The following INO80 variants were observed in gnomAD, a reference collection of about 807,000 sequenced individuals.
INO80 encodes the protein INO80 complex ATPase subunit, also known as chromatin-remodeling ATPase INO80.
INO80 carries 20 observed loss-of-function variants against 203.4 expected under a neutral mutation model. That is an observed-to-expected ratio of 0.10 (90% CI 0.07 to 0.14). INO80 has a LOEUF of 0.14. INO80 is among the 10% of genes least tolerant of loss of function. The pLI is 1.00. For synonymous variants in INO80, 726 were observed against 685.2 expected, an observed-to-expected ratio of 1.06 and a Z score of -0.93; for missense variants, 1,419 against 1,914.4, an observed-to-expected ratio of 0.74 and a Z score of 4.83.
intron 1 of INO80, among the ~76,000 whole-genome samples, chr15:41,108,625 G>C (rs1456059254): frequency 6.7e-6 from 1 of 148,492 alleles, no homozygotes; most frequent in Admixed American, 6.7e-5. Context: ...AAAAAGAAAA[G>C]CCACAAATAG....
At chr15:41,023,706 T>C (rs1347069960) in intron 25 of INO80, among the ~76,000 whole-genome samples, 2 of 137,126 alleles carry the variant, frequency 1.5e-5, no homozygotes, top group Admixed American at 1.6e-4. Context: ...GAGGTGGAGG[T>C]TACAGTGAGC....
At position 40,987,202 on chromosome 15, in the gene INO80, A is replaced by G. The variant is rs1441168784; in HGVS notation, c.3730-9T>C. ...ATCACCATCCGCTGAATCTACACCA[A>G]AGCAGATCAAAATGTCACCTCCAGG... On this transcript the variant is annotated splice_polypyrimidine_tract_variant and intron_variant, in intron 30 of 35. Transcript: ENST00000648947. The G allele has an allele frequency of 1.9e-6, 3 of 1,551,434 alleles. No individual in the cohort carries two copies. Among genetic ancestry groups the G allele is most frequent in the Non-Finnish European group, 2.7e-6 (3 of 1,123,090 alleles).
intron 8 of INO80, 94 bp from the exon 9 acceptor site, chr15:41,079,998 GC>G: frequency 9.3e-7 from 1 of 1,070,604 alleles, no homozygotes; most frequent in Non-Finnish European, 1.4e-6. Flanking sequence ...AATCTGTTCA[GC>G]CAAACTGTCA....
chr15:41,001,710 T>C (rs1447124565), intron 28 of INO80, among the ~76,000 whole-genome samples: 1 of 152,172 alleles, frequency 6.6e-6, no homozygotes, highest in Non-Finnish European at 1.5e-5. Flanking sequence ...GGCCAAACAG[T>C]CTTTAGTCTC....
chr15:41,101,092 A>G (rs1366672748), intron 1 of INO80, among the ~76,000 whole-genome samples: 1 of 152,054 alleles, frequency 6.6e-6, no homozygotes, highest in Non-Finnish European at 1.5e-5. Context: ...AGCCTCCCAA[A>G]GTAGTGGGAT....
intron 5 of INO80, among the ~76,000 whole-genome samples, chr15:41,091,112 C>G (rs1372185812): frequency 6.6e-6 from 1 of 152,014 alleles, no homozygotes; most frequent in African/African-American, 2.4e-5. Flanking sequence ...TTAGTAGAGA[C>G]ACAGTTTCCT....
At chr15:41,100,008 A>G (rs1221194764) in intron 1 of INO80, among the ~76,000 whole-genome samples, 1 of 152,204 alleles carries the variant, frequency 6.6e-6, no homozygotes, top group African/African-American at 2.4e-5. Context: ...TTTACCTGAT[A>G]AGGAAAATGA....
At chr15:41,062,325 A>G (rs745553733) in intron 14 of INO80, among the ~76,000 whole-genome samples, 6 of 152,114 alleles carry the variant, frequency 3.9e-5, no homozygotes, top group South Asian at 4.1e-4. Context: ...AAATAGGCCA[A>G]GTATGGTGGC....
Position 41,092,017 on chromosome 15 carries a change from A to G in INO80, c.537+10T>C. On this transcript the variant is annotated intron_variant, in intron 5 of 35. Coordinates refer to ENST00000648947, the MANE Select transcript of INO80 (RefSeq NM_017553.3). ...TATTCAGTTTGAAGTGTTTCTCCTG[A>G]AACTCTTACCTCCTTGTCTTTACTA... 6.3e-7 allele frequency: 1 copy of G among 1,590,584 alleles called. No individual in the cohort carries two copies. Among genetic ancestry groups the G allele is most frequent in the Non-Finnish European group, 8.6e-7 (1 of 1,161,166 alleles).
At position 40,983,749 on chromosome 15, in the gene INO80, C is replaced by T; in HGVS notation, c.4237+13G>A. The T allele has an allele frequency of 6.2e-7, 1 of 1,611,746 alleles. No homozygotes were observed. The highest frequency in any genetic ancestry group is 8.5e-7 in the Non-Finnish European group (1 of 1,179,712). Reference sequence around the variant, plus strand: ...TGGACCAGGCCCAAGCTGTACAAGACAGCAGCAATTACCATTCACGGTATC... The same window carrying T: ...TGGACCAGGCCCAAGCTGTACAAGATAGCAGCAATTACCATTCACGGTATC... On this transcript the variant is annotated intron_variant, in intron 34 of 35. Coordinates refer to ENST00000648947, the MANE Select transcript of INO80 (RefSeq NM_017553.3).
intron 14 of INO80, among the ~76,000 whole-genome samples, chr15:41,060,459 G>A (rs1005054790): frequency 1.4e-4 from 21 of 151,766 alleles, no homozygotes; most frequent in Admixed American, 6.6e-4. Flanking sequence ...GGTGGCACGC[G>A]CCTGTAATCC....
intron 20 of INO80, 150 bp downstream of exon 20, chr15:41,049,785 C>T (rs924761032): frequency 2.9e-6 from 2 of 697,920 alleles, no homozygotes; most frequent in Non-Finnish European, 2.4e-6. Flanking sequence ...CCTTGGGAGG[C>T]TGAGGCAGGA....
chr15:40,996,794 T>C (rs538717868), intron 29 of INO80, among the ~76,000 whole-genome samples: 35 of 152,238 alleles, frequency 2.3e-4, no homozygotes, highest in Non-Finnish European at 4.8e-4. Context: ...AATGGGTTTT[T>C]CCATTAATGG....
At chr15:41,097,338 G>C (rs900202879) in intron 1 of INO80, among the ~76,000 whole-genome samples, 1 of 150,518 alleles carries the variant, frequency 6.6e-6, no homozygotes, top group Non-Finnish European at 1.5e-5. Context: ...GAGCCACCGC[G>C]CCCAGCCTTC....
intron 1 of INO80, among the ~76,000 whole-genome samples, chr15:41,114,383 A>T (rs1207381305): frequency 6.6e-6 from 1 of 152,162 alleles, no homozygotes; most frequent in African/African-American, 2.4e-5. Flanking sequence ...TCAAACATAA[A>T]ATGCAACTAG....
chr15:41,043,729 C>A (rs571061120), intron 24 of INO80, among the ~76,000 whole-genome samples: 17 of 152,278 alleles, frequency 1.1e-4, no homozygotes, highest in Admixed American at 1.0e-3. Context: ...ACTGTCACTC[C>A]TCTTCTCAAA....
chr15:40,981,463 T>C (rs1449665595), intron 35 of INO80, among the ~76,000 whole-genome samples: 3 of 152,172 alleles, frequency 2.0e-5, no homozygotes, highest in African/African-American at 4.8e-5. Flanking sequence ...GAGGCTATTA[T>C]ACTTCATATT....
Position 41,070,493 on chromosome 15 carries a change from T to C in INO80, c.1660A>G (p.Ile554Val). Residue 554 changes from isoleucine (I) to valine (V), a missense_variant, in exon 13 of 36, where the codon ATT (isoleucine) becomes GTT (valine). Ile to Val is a conservative substitution (Grantham distance 29). Transcript: ENST00000648947. ...TCAGCCAGATGGGCCAGAAGGGCAA[T>C]GCTCTGTACTGTTTTACCAAGGCCC... ...EMGLGKTVQS[I>V]ALLAHLAERE... 2.5e-6 allele frequency: 4 copies of C among 1,614,098 alleles called. No individual in the cohort carries two copies. Among genetic ancestry groups the C allele is most frequent in the Non-Finnish European group, 3.4e-6 (4 of 1,179,980 alleles).
chr15:41,035,236 T>C (rs2044550077), intron 24 of INO80, among the ~76,000 whole-genome samples: 1 of 152,128 alleles, frequency 6.6e-6, no homozygotes, highest in Non-Finnish European at 1.5e-5. Flanking sequence ...ATATCTGATA[T>C]AATGGGATCA....
Sources: allele counts gnomAD v4.1 joint callset (sites outside exome capture counted in the v4.1 genomes callset), GRCh38; gene constraint gnomAD v4.1.1; transcripts MANE v1.5; gene names NCBI Gene and HGNC (gene_info 2026-07-23, HGNC 2026-07-21).